CGNL1: variants seen among roughly 807,000 people sequenced by gnomAD.
The protein encoded by CGNL1 is cingulin like 1.
Under a neutral mutation model 141.2 loss-of-function variants are expected in CGNL1, and 132 were observed. The observed-to-expected ratio is 0.93, with a 90% CI of 0.81 to 1.08. The LOEUF is 1.08. CGNL1 is among the 50% of genes least tolerant of loss of function. The pLI, the probability that CGNL1 is intolerant of heterozygous loss-of-function variation, is 0.00. For synonymous variants in CGNL1, 690 were observed against 622.1 expected (o/e 1.11, Z -1.63); for missense variants, 1,870 against 1,588.6 (o/e 1.18, Z -3.01).
At chr15:57,487,883 G>T (rs1294422868) in intron 8 of CGNL1, among the ~76,000 whole-genome samples, 1 of 152,186 alleles carries the variant, frequency 6.6e-6, no homozygotes, top group African/African-American at 2.4e-5. Context: ...TATACAGAGG[G>T]TACAAGGTTT....
intron 8 of CGNL1, among the ~76,000 whole-genome samples, chr15:57,472,836 G>A (rs989533574): frequency 6.6e-6 from 1 of 152,206 alleles, no homozygotes; most frequent in Non-Finnish European, 1.5e-5. Context: ...GAGAAGGTTT[G>A]TAGGAGGAAA....
Position 57,439,138 on chromosome 15 carries a change from C to T in CGNL1, c.1139C>T (p.Thr380Ile), listed in dbSNP as rs1165805222. 6.2e-7 allele frequency: 1 copy of T among 1,614,144 alleles called. No individual in the cohort carries two copies. Among genetic ancestry groups the T allele is most frequent in the Non-Finnish European group, 8.5e-7 (1 of 1,180,026 alleles). Residue 380 changes from threonine (T) to isoleucine (I), a missense_variant, in exon 2 of 19, where the codon ACA (threonine) becomes ATA (isoleucine). Transcript: ENST00000281282. ...GRSGKRNRIN[T>I]DDRKRSRSVD... ...TCTGGGAAGCGAAACAGAATTAATACAGATGACAGGAAAAGATCCAGAAGC... is the reference window on the plus strand; with the variant it reads ...TCTGGGAAGCGAAACAGAATTAATATAGATGACAGGAAAAGATCCAGAAGC...
intron 1 of CGNL1, among the ~76,000 whole-genome samples, chr15:57,390,478 C>A (rs1386320644): frequency 3.3e-5 from 5 of 152,158 alleles, no homozygotes; most frequent in African/African-American, 2.4e-5. Context: ...GTATACCTGG[C>A]CAGTTCTAGT....
chr15:57,439,757 C>T (rs1397821240), intron 2 of CGNL1, among the ~76,000 whole-genome samples, 156 bp downstream of exon 2: 1 of 152,208 alleles, frequency 6.6e-6, no homozygotes, highest in Non-Finnish European at 1.5e-5. Context: ...TTGTGTCCTA[C>T]TGACGATGTC....
At chr15:57,513,063 C>G (rs1470569077) in intron 8 of CGNL1, among the ~76,000 whole-genome samples, 2 of 151,940 alleles carry the variant, frequency 1.3e-5, no homozygotes, top group Admixed American at 1.3e-4. Context: ...AGTTGTACAA[C>G]CATCACCACA....
intron 8 of CGNL1, among the ~76,000 whole-genome samples, chr15:57,509,647 C>A (rs1289895288): frequency 1.3e-5 from 2 of 152,108 alleles, no homozygotes; most frequent in African/African-American, 4.8e-5. Context: ...GGGTGTTAAC[C>A]CATGAACATG....
At position 57,439,355 on chromosome 15, in the gene CGNL1, C is replaced by T. The variant is rs140939740; in HGVS notation, c.1356C>T (p.His452=). The part of the protein sequence containing the change: ...RTFAKLQGAA[H]GASCAHSRPP... ...TTGCAAAGCTGCAGGGAGCAGCGCA[C>T]GGGGCTTCATGTGCCCACTCCAGGC... Residue 452 remains histidine, a synonymous_variant, in exon 2 of 19, where the codon CAC becomes CAT. Coordinates refer to ENST00000281282, the MANE Select transcript of CGNL1 (RefSeq NM_032866.5). 103 of 1,614,120 alleles carry T rather than the reference C, an allele frequency of 6.4e-5. 1 individual carries two copies. In the African/African-American group the frequency reaches 1.1e-3, roughly 16 times the overall value.
intron 1 of CGNL1, among the ~76,000 whole-genome samples, chr15:57,395,637 C>T (rs535912653): frequency 6.6e-6 from 1 of 152,362 alleles, no homozygotes; most frequent in East Asian, 1.9e-4. Context: ...AACTTTGCTG[C>T]TGCTATTTTT....
chr15:57,527,070 T>A (rs1255650355), intron 12 of CGNL1: 1 of 152,254 alleles, frequency 6.6e-6, no homozygotes, highest in Non-Finnish European at 1.5e-5. Flanking sequence ...TTTTGTTTTT[T>A]TAACGCTCTG....
chr15:57,503,996 C>G (rs2064064637), intron 8 of CGNL1, among the ~76,000 whole-genome samples: 1 of 152,040 alleles, frequency 6.6e-6, no homozygotes, highest in Non-Finnish European at 1.5e-5. Flanking sequence ...GAGCAGCTGC[C>G]CCCTGTGCCC....
intron 14 of CGNL1, among the ~76,000 whole-genome samples, chr15:57,538,197 A>G (rs1343870408): frequency 6.6e-6 from 1 of 152,230 alleles, no homozygotes; most frequent in Non-Finnish European, 1.5e-5. Context: ...ATAATACCAC[A>G]TAGTATTTCT....
chr15:57,383,292 C>CTTTTTTTTTTT lies in CGNL1; in HGVS notation c.-16+6728_-16+6738dup, dbSNP rs59213732. On this transcript the variant is annotated intron_variant, in intron 1 of 18. Coordinates refer to ENST00000281282, the MANE Select transcript of CGNL1 (RefSeq NM_032866.5). The stretch of plus-strand genomic sequence containing the variant: ...TAACAAACTTAAGATTTCTTTCTTC[C>CTTTTTTTTTTT]TTTTTTTTTTTTTGTTTTTTTGATA... Among the ~76,000 whole-genome samples, 1,070 of 108,252 alleles carry CTTTTTTTTTTT rather than the reference C, an allele frequency of 9.9e-3. 15 individuals carry two copies. Among genetic ancestry groups the CTTTTTTTTTTT allele is most frequent in the African/African-American group, 0.024 (661 of 27,086 alleles). The allele number at this position is 108,252 out of a possible 152,430, so 71.0% of individuals were successfully genotyped here. A position where few individuals can be genotyped will look rare whatever the true frequency, so the allele number is the denominator to read the frequency against.
At chr15:57,457,310 C>T (rs959023397) in intron 7 of CGNL1, among the ~76,000 whole-genome samples, 1 of 152,206 alleles carries the variant, frequency 6.6e-6, no homozygotes, top group South Asian at 2.1e-4. Flanking sequence ...GTGCCTGTTT[C>T]TCAGTGCGCA....
chr15:57,544,313 A>C (rs535329890), intron 15 of CGNL1, among the ~76,000 whole-genome samples, 160 bp from the exon 16 acceptor site: 1 of 152,262 alleles, frequency 6.6e-6, no homozygotes, highest in Non-Finnish European at 1.5e-5. Flanking sequence ...CCTTGGAAAC[A>C]TCTCTGTGTT....
chr15:57,451,447 A>T (rs1395853532), intron 4 of CGNL1, 53 bp from the exon 5 acceptor site: 47 of 1,301,734 alleles, frequency 3.6e-5, no homozygotes, highest in Non-Finnish European at 4.6e-5. Context: ...GAAGATAATT[A>T]AAATAAAGCA....
intron 4 of CGNL1, among the ~76,000 whole-genome samples, chr15:57,443,832 G>A (rs2063220177): frequency 6.6e-6 from 1 of 152,178 alleles, no homozygotes. Flanking sequence ...TATGCAGGGA[G>A]TGCGGGTTGG....
chr15:57,523,493 A>G lies in CGNL1; in HGVS notation c.2720A>G (p.Asn907Ser), dbSNP rs770902211. The G allele has an allele frequency of 3.7e-6, 6 of 1,614,180 alleles. No individual in the cohort carries two copies. Among genetic ancestry groups the G allele is most frequent in the Middle Eastern group, 1.7e-4 (1 of 6,056 alleles). The change falls in exon 11 of 19, where the codon AAT (asparagine) becomes AGT (serine). Residue 907 changes from asparagine to serine, a missense_variant. Coordinates refer to ENST00000281282, the MANE Select transcript of CGNL1 (RefSeq NM_032866.5). Reference sequence around the variant, plus strand: ...TCCTTTCCCTGCCATTTGCAGGGAAATCTGAGTCAGACTACCCAGGAGCAG... The same window carrying G: ...TCCTTTCCCTGCCATTTGCAGGGAAGTCTGAGTCAGACTACCCAGGAGCAG... Reference protein sequence around the residue: ...LENELEAAQGNLSQTTQEQKQ... With the variant: ...LENELEAAQGSLSQTTQEQKQ...
rs766050213 is a variant in CGNL1, at chr15:57,516,831, G to C, written c.2455G>C (p.Gly819Arg). 2 of 1,614,190 alleles carry C rather than the reference G, an allele frequency of 1.2e-6. No individual in the cohort carries two copies. Among genetic ancestry groups the C allele is most frequent in the Non-Finnish European group, 1.7e-6 (2 of 1,180,034 alleles). ...RSNTSEQDQA[G>R]TEMRVKLLQE... Reference sequence around the variant, plus strand: ...CAACACTTCAGAGCAAGACCAGGCGGGGACTGAAATGCGCGTGAAGCTTCT... The same window carrying C: ...CAACACTTCAGAGCAAGACCAGGCGCGGACTGAAATGCGCGTGAAGCTTCT... The change falls in exon 9 of 19, where the codon GGG becomes CGG. Residue 819 changes from glycine to arginine, a missense_variant. Physicochemically the swap from Gly to Arg is moderately radical, Grantham distance 125 (BLOSUM62 -2). Coordinates refer to ENST00000281282, the MANE Select transcript of CGNL1 (RefSeq NM_032866.5).
chr15:57,436,169 C>A (rs2063103148), intron 1 of CGNL1, among the ~76,000 whole-genome samples: 1 of 152,158 alleles, frequency 6.6e-6, no homozygotes, highest in Non-Finnish European at 1.5e-5. Flanking sequence ...AAAGTCCATT[C>A]TCCTCTCTCT....
Sources: gnomAD v4.1 joint callset for allele counts (sites outside exome capture counted in the v4.1 genomes callset) on GRCh38, gnomAD v4.1.1 for gene constraint, MANE v1.5 for transcripts, NCBI Gene and HGNC (gene_info 2026-07-23, HGNC 2026-07-21) for gene names.